COMMD2: variants seen among roughly 807,000 people sequenced by gnomAD.
COMMD2 encodes COMM domain-containing protein 2.
Under a neutral mutation model 22.5 loss-of-function variants are expected in COMMD2, and 25 were observed. The ratio of observed to expected loss-of-function variants is 1.11; its 90% CI spans 0.81 to 1.55. COMMD2 has a LOEUF of 1.55. Ranked by LOEUF, COMMD2 falls within the 40% of genes most tolerant of loss-of-function variation. The pLI, the probability that COMMD2 is intolerant of heterozygous loss-of-function variation, is 0.00. For synonymous variants in COMMD2, 98 were observed against 91.2 expected (o/e 1.07, Z -0.42); for missense variants, 223 against 232.9 (o/e 0.96, Z 0.28).
intron 4 of COMMD2, among the ~76,000 whole-genome samples, chr3:149,749,218 G>A (rs778390657): frequency 3.9e-5 from 6 of 152,196 alleles, no homozygotes; most frequent in East Asian, 3.9e-4. Flanking sequence ...TGGCCAGGCC[G>A]GTCTCGAACT....
In COMMD2 at chr3:149,739,048, G is replaced by C. The variant is rs1716138333; in HGVS notation, c.*2473C>G. The C allele has an allele frequency of 6.6e-6, 1 of 152,040 alleles. No individual in the cohort carries two copies. Among genetic ancestry groups the C allele is most frequent in the Admixed American group, 6.6e-5 (1 of 15,254 alleles). The allele number at this position is 152,040 out of a possible 1,614,324, so 9.4% of individuals were successfully genotyped here. On this transcript the variant is annotated 3_prime_UTR_variant, in exon 5 of 5. Transcript: ENST00000473414. Reference sequence around the variant, plus strand: ...TTCTGAGATGAGATGTTACTATTTTGGCTTTGAGACATGAAGGATATGACA... The same window carrying C: ...TTCTGAGATGAGATGTTACTATTTTCGCTTTGAGACATGAAGGATATGACA...
chr3:149,741,374 G>C lies in COMMD2; in HGVS notation c.*147C>G. Reference sequence around the variant, plus strand: ...AGCCACTGCACCCAGCTTAGCTTCTGATTATGACCTCAGTATCTTGGAATA... The same window carrying C: ...AGCCACTGCACCCAGCTTAGCTTCTCATTATGACCTCAGTATCTTGGAATA... On this transcript the variant is annotated 3_prime_UTR_variant, in exon 5 of 5. Coordinates refer to ENST00000473414, the MANE Select transcript of COMMD2 (RefSeq NM_016094.4). The C allele has an allele frequency of 1.4e-6, 1 of 721,246 alleles. No homozygotes were observed. The highest frequency in any genetic ancestry group is 2.3e-6 in the Non-Finnish European group (1 of 441,216). 44.7% of individuals were successfully genotyped at this position (721,246 alleles called of 1,614,324 possible). A position where few individuals can be genotyped will look rare whatever the true frequency, so the allele number is the denominator to read the frequency against.
intron 3 of COMMD2, 148 bp downstream of exon 3, chr3:149,751,250 TTTTTA>T (rs1247046932): frequency 1.7e-5 from 21 of 1,216,162 alleles, no homozygotes; most frequent in Non-Finnish European, 2.4e-5. Flanking sequence ...GATGATATGA[TTTTTA>T]TTTTTTAGGT....
intron 2 of COMMD2, 63 bp downstream of exon 2, chr3:149,752,147 G>T: frequency 7.4e-7 from 1 of 1,347,906 alleles, no homozygotes; most frequent in Non-Finnish European, 1.0e-6. Flanking sequence ...TCTCTCCCGG[G>T]AGACAGGGAA....
Position 149,741,689 on chromosome 3 carries a change from A to T in COMMD2, c.432T>A (p.Ile144=). ...QLASRSLRQQ[I]KPAVTIKLHL... is the part of the protein sequence containing the mutation. Reference sequence around the variant, plus strand: ...GTAGCTTTATAGTCACTGCTGGTTTAATCTGTTGCCTGAGACTTCTACTTG... The same window carrying T: ...GTAGCTTTATAGTCACTGCTGGTTTTATCTGTTGCCTGAGACTTCTACTTG... Residue 144 remains isoleucine (I), a synonymous_variant, in exon 5 of 5, where the codon ATT becomes ATA. Coordinates refer to ENST00000473414, the MANE Select transcript of COMMD2 (RefSeq NM_016094.4). The T allele has an allele frequency of 2.5e-6, 4 of 1,613,910 alleles. No homozygotes were observed. Among genetic ancestry groups the T allele is most frequent in the Non-Finnish European group, 3.4e-6 (4 of 1,179,928 alleles).
rs1231477366 is a variant in COMMD2 at position 149,750,721 on chromosome 3, C to G, written c.359G>C (p.Ser120Thr). The change falls in exon 4 of 5, where the codon AGC becomes ACC. Residue 120 changes from serine (S) to threonine (T), a missense_variant. Ser to Thr is a moderately conservative substitution (Grantham distance 58). Transcript: ENST00000473414. ...TTCAAGGTTATGATAACTGGGAAGG[C>G]TTGGTGCCAATTCACTCAGAATCGT... Reference protein sequence around the residue: ...IRTILSELAPSLPSYHNLEWR... With the variant: ...IRTILSELAPTLPSYHNLEWR... The G allele has an allele frequency of 1.9e-6, 3 of 1,598,626 alleles. No individual in the cohort carries two copies. The African/African-American group carries it at 4.0e-5, about 21-fold the overall frequency.
intron 2 of COMMD2, chr3:149,751,738 G>C (rs1161953972): frequency 3.2e-6 from 1 of 315,030 alleles, no homozygotes; most frequent in Admixed American, 4.8e-5. Context: ...CCCTTCTCTT[G>C]AATACGTAGC....
intron 4 of COMMD2, among the ~76,000 whole-genome samples, chr3:149,747,650 G>C (rs995385340): frequency 6.6e-6 from 1 of 152,144 alleles, no homozygotes; most frequent in Non-Finnish European, 1.5e-5. Flanking sequence ...AGAAGTCTTA[G>C]TATAGGCTGG....
chr3:149,742,347 G>A (rs1036538219), intron 4 of COMMD2, among the ~76,000 whole-genome samples: 77 of 152,176 alleles, frequency 5.1e-4, no homozygotes, highest in Admixed American at 7.2e-4. Flanking sequence ...GGTAAGCGAT[G>A]AGAAAATCAC....
At chr3:149,751,616 G>C in intron 2 of COMMD2, 131 bp from the exon 3 acceptor site, 1 of 780,692 alleles carries the variant, frequency 1.3e-6, no homozygotes, top group Non-Finnish European at 1.9e-6. Flanking sequence ...CAGTAAGTTG[G>C]CCAGAGGCTC....
chr3:149,743,162 A>T lies in COMMD2; in HGVS notation c.403-1444T>A, dbSNP rs371656858. Among the ~76,000 whole-genome samples, 12 of 152,234 alleles carry T rather than the reference A, an allele frequency of 7.9e-5. No homozygotes were observed. In the East Asian group the frequency reaches 2.1e-3, roughly 27 times the overall value. ...ATTATTCTTTAAACTGGGTATCTAT[A>T]ACCTTTCATTTGTATAATATGTTCC... is the stretch of plus-strand genomic sequence containing the variant. On this transcript the variant is annotated intron_variant, in intron 4 of 4. Transcript: ENST00000473414.
Position 149,740,317 on chromosome 3 carries a change from T to A in COMMD2, c.*1204A>T, listed in dbSNP as rs1353067062. On this transcript the variant is annotated 3_prime_UTR_variant, in exon 5 of 5. Coordinates refer to ENST00000473414, the MANE Select transcript of COMMD2 (RefSeq NM_016094.4). ...CAAGTTATGTTTTGAGAAGGGATAGTTGCCTATAATGTAATAAACATGGCC... is the reference window on the plus strand; with the variant it reads ...CAAGTTATGTTTTGAGAAGGGATAGATGCCTATAATGTAATAAACATGGCC... The A allele has an allele frequency of 6.6e-6, 1 of 152,220 alleles. No individual in the cohort carries two copies. Among genetic ancestry groups the A allele is most frequent in the African/African-American group, 2.4e-5 (1 of 41,464 alleles). The allele number at this position is 152,220 out of a possible 1,614,324, so 9.4% of individuals were successfully genotyped here. A position where few individuals can be genotyped will look rare whatever the true frequency, so the allele number is the denominator to read the frequency against.
chr3:149,752,189 C>CCTT (rs1559856593), intron 2 of COMMD2, 21 bp downstream of exon 2: 1 of 1,609,098 alleles, frequency 6.2e-7, no homozygotes, highest in Non-Finnish European at 8.5e-7. Flanking sequence ...GCCTGCGGAG[C>CCTT]CTTCCCCTTT....
intron 4 of COMMD2, among the ~76,000 whole-genome samples, chr3:149,742,476 A>AT (rs1431891626): frequency 6.6e-6 from 1 of 152,226 alleles, no homozygotes; most frequent in African/African-American, 2.4e-5. Context: ...TACATCAAAT[A>AT]TTCATTAACA....
At chr3:149,751,979 T>G in intron 2 of COMMD2, 1 of 492,246 alleles carries the variant, frequency 2.0e-6, no homozygotes, top group South Asian at 3.5e-5. Flanking sequence ...TAAGGTGGTA[T>G]TATGTACATT....
At position 149,740,073 on chromosome 3, in the gene COMMD2, C is replaced by T. The variant is rs1257724621; in HGVS notation, c.*1448G>A. On this transcript the variant is annotated 3_prime_UTR_variant, in exon 5 of 5. Coordinates refer to ENST00000473414, the MANE Select transcript of COMMD2 (RefSeq NM_016094.4). ...AGCGCAGTTTAGAGTTTGATTGCTTCTACAGCCCTTTCTAGATTATTCCAT... is the reference window on the plus strand; with the variant it reads ...AGCGCAGTTTAGAGTTTGATTGCTTTTACAGCCCTTTCTAGATTATTCCAT... The T allele has an allele frequency of 2.6e-5, 4 of 152,228 alleles. No homozygotes were observed. Among genetic ancestry groups the T allele is most frequent in the Non-Finnish European group, 4.4e-5 (3 of 68,052 alleles). The allele number at this position is 152,228 out of a possible 1,614,324, so 9.4% of individuals were successfully genotyped here.
chr3:149,743,137 A>G (rs1716281384), intron 4 of COMMD2, among the ~76,000 whole-genome samples: 1 of 152,136 alleles, frequency 6.6e-6, no homozygotes, highest in South Asian at 2.1e-4. Context: ...TTGTTTTATC[A>G]TTATTCTTTA....
At chr3:149,742,193 T>C (rs991186856) in intron 4 of COMMD2, among the ~76,000 whole-genome samples, 10 of 152,088 alleles carry the variant, frequency 6.6e-5, no homozygotes, top group African/African-American at 2.4e-4. Flanking sequence ...TATAGAAAAA[T>C]ATGTTCAACT....
chr3:149,750,383 C>A, intron 4 of COMMD2: 1 of 477,208 alleles, frequency 2.1e-6, no homozygotes. Context: ...TTTTCTACAT[C>A]TGTTAAATTT....
Sources: allele counts gnomAD v4.1 joint callset (sites outside exome capture counted in the v4.1 genomes callset), GRCh38; gene constraint gnomAD v4.1.1; transcripts MANE v1.5; gene names NCBI Gene and HGNC (gene_info 2026-07-23, HGNC 2026-07-21).